Variants in CNTNAP2 observed in about 807,000 individuals in gnomAD.
CNTNAP2 encodes the protein contactin-associated protein-like 2.
A neutral mutation model predicts 155.2 loss-of-function variants in CNTNAP2; 98 were observed. The observed-to-expected ratio is 0.63, with a 90% confidence interval of 0.54 to 0.75. CNTNAP2 has a LOEUF of 0.75. Ranked by LOEUF, CNTNAP2 falls within the 30% of genes least tolerant of loss-of-function variation. CNTNAP2 has a pLI of 0.00. For missense variants in CNTNAP2, 1,727 were observed against 1,688.1 expected, an observed-to-expected ratio of 1.02 and a Z score of -0.40; for synonymous variants, 651 against 631.2, an observed-to-expected ratio of 1.03 and a Z score of -0.47.
chr7:147,168,872 A>G (rs1802173066), intron 8 of CNTNAP2, among the ~76,000 whole-genome samples: 1 of 152,176 alleles, frequency 6.6e-6, no homozygotes, highest in Non-Finnish European at 1.5e-5. Context: ...CAATGGAAAA[A>G]GCAAAAGTAT....
chr7:147,720,242 A>G (rs867482442), intron 13 of CNTNAP2, among the ~76,000 whole-genome samples: 1 of 152,100 alleles, frequency 6.6e-6, no homozygotes, highest in South Asian at 2.1e-4. Flanking sequence ...TGGTATACAA[A>G]CTGTATAAGC....
chr7:147,545,198 G>C (rs1303153983), intron 11 of CNTNAP2, among the ~76,000 whole-genome samples: 1 of 151,938 alleles, frequency 6.6e-6, no homozygotes, highest in Non-Finnish European at 1.5e-5. Flanking sequence ...CTAACATCTT[G>C]TGGGCCCTGG....
intron 21 of CNTNAP2, among the ~76,000 whole-genome samples, chr7:148,280,373 G>T (rs1412743737): frequency 2.6e-5 from 4 of 151,800 alleles, no homozygotes; most frequent in Non-Finnish European, 2.9e-5. Flanking sequence ...CCTGACTATG[G>T]TGGTGGATGC....
intron 4 of CNTNAP2, among the ~76,000 whole-genome samples, chr7:147,095,288 G>A (rs560811841): frequency 2.7e-5 from 4 of 149,500 alleles, no homozygotes; most frequent in African/African-American, 7.4e-5. Context: ...CTCCCACCTC[G>A]GCCTCCCAAA....
intron 12 of CNTNAP2, among the ~76,000 whole-genome samples, chr7:147,577,095 G>A (rs543479402): frequency 2.0e-5 from 3 of 152,212 alleles, no homozygotes; most frequent in Admixed American, 1.3e-4. Context: ...GAAAACACGT[G>A]CAAGAGATGG....
intron 18 of CNTNAP2, among the ~76,000 whole-genome samples, chr7:148,209,809 A>G (rs1457135755): frequency 6.6e-6 from 1 of 152,138 alleles, no homozygotes; most frequent in Non-Finnish European, 1.5e-5. Context: ...AAATCCTCAG[A>G]ATACCACGAC....
intron 15 of CNTNAP2, among the ~76,000 whole-genome samples, chr7:148,091,193 G>C (rs185795212): frequency 6.6e-6 from 1 of 152,244 alleles, no homozygotes; most frequent in Non-Finnish European, 1.5e-5. Context: ...TTGTGTATAT[G>C]AAAATTGCTA....
At chr7:147,606,725 A>T (rs1221041300) in intron 12 of CNTNAP2, among the ~76,000 whole-genome samples, 1 of 152,076 alleles carries the variant, frequency 6.6e-6, no homozygotes, top group Non-Finnish European at 1.5e-5. Flanking sequence ...ACATAAACAT[A>T]GGTTGTTAGG....
rs543418134 is a variant in CNTNAP2 at position 146,864,490 on chromosome 7, A to G, written c.402+24586A>G. On this transcript the variant is annotated intron_variant, in intron 3 of 23. Coordinates refer to ENST00000361727, the MANE Select transcript of CNTNAP2 (RefSeq NM_014141.6). ...TGATGGATGCAGCACTTAATGTTAA[A>G]CAATAGAATATTATTGATTTTTGAA... Among the ~76,000 whole-genome samples the G allele has an allele frequency of 3.3e-5, 5 of 152,280 alleles. No individual in the cohort carries two copies. The East Asian group carries it at 9.6e-4, about 29-fold the overall frequency.
chr7:148,134,449 T>C (rs1405436341), intron 16 of CNTNAP2, among the ~76,000 whole-genome samples: 14 of 152,190 alleles, frequency 9.2e-5, no homozygotes, highest in Admixed American at 9.2e-4. Flanking sequence ...AAAAATAGCA[T>C]GCCCTTGTTT....
intron 21 of CNTNAP2, among the ~76,000 whole-genome samples, chr7:148,278,933 G>A (rs970418108): frequency 6.6e-6 from 1 of 152,168 alleles, no homozygotes; most frequent in Non-Finnish European, 1.5e-5. Context: ...AGAGAGAATG[G>A]CAGTCCAAAG....
At chr7:146,614,064 C>A (rs1005554058) in intron 1 of CNTNAP2, among the ~76,000 whole-genome samples, 1 of 152,080 alleles carries the variant, frequency 6.6e-6, no homozygotes, top group Non-Finnish European at 1.5e-5. Context: ...CTCTTTGATA[C>A]ATTTAAATAC....
chr7:147,467,253 G>C (rs148881962), intron 10 of CNTNAP2, among the ~76,000 whole-genome samples: 1 of 152,106 alleles, frequency 6.6e-6, no homozygotes, highest in Non-Finnish European at 1.5e-5. Flanking sequence ...TTTGTAAATT[G>C]TCCTATTTTG....
intron 1 of CNTNAP2, among the ~76,000 whole-genome samples, chr7:146,152,723 A>G (rs1798069823): frequency 6.6e-6 from 1 of 152,132 alleles, no homozygotes; most frequent in African/African-American, 2.4e-5. Flanking sequence ...CACATGGACA[A>G]TATAACAGAA....
At chr7:147,238,548 TG>T (rs1009087352) in intron 8 of CNTNAP2, among the ~76,000 whole-genome samples, 8 of 152,104 alleles carry the variant, frequency 5.3e-5, no homozygotes, top group African/African-American at 1.2e-4. Context: ...ATTTTCATTT[TG>T]TTTTTTTTTC....
At chr7:147,618,160 T>C (rs1441332533) in intron 12 of CNTNAP2, among the ~76,000 whole-genome samples, 1 of 152,216 alleles carries the variant, frequency 6.6e-6, no homozygotes, top group Non-Finnish European at 1.5e-5. Flanking sequence ...AAGCCAAGGC[T>C]TATACGCAAT....
chr7:147,991,856 C>T (rs1036350374), intron 15 of CNTNAP2, among the ~76,000 whole-genome samples: 3 of 152,158 alleles, frequency 2.0e-5, no homozygotes, highest in African/African-American at 4.8e-5. Context: ...TAATTAAAAC[C>T]GTGTTCCAGT....
chr7:146,493,482 T>C (rs1270531391), intron 1 of CNTNAP2, among the ~76,000 whole-genome samples: 5 of 152,168 alleles, frequency 3.3e-5, no homozygotes, highest in African/African-American at 4.8e-5. Context: ...TAAGGTGATG[T>C]TTCCTGGAGT....
intron 11 of CNTNAP2, among the ~76,000 whole-genome samples, chr7:147,522,057 TG>T (rs1473638405): frequency 6.6e-6 from 1 of 152,234 alleles, no homozygotes; most frequent in Admixed American, 6.5e-5. Flanking sequence ...CCCTACTTTC[TG>T]GTTCATAGAT....
Sources: gnomAD v4.1 joint callset for allele counts (sites outside exome capture counted in the v4.1 genomes callset) on GRCh38, gnomAD v4.1.1 for gene constraint, MANE v1.5 for transcripts, NCBI Gene and HGNC (gene_info 2026-07-23, HGNC 2026-07-21) for gene names.